TMEM131: variants seen among roughly 807,000 people sequenced by gnomAD.
TMEM131 encodes 2610524E03Rik.
TMEM131 carries 66 observed loss-of-function variants against 211.6 expected under a neutral mutation model. That is an observed-to-expected ratio of 0.31 (90% confidence interval 0.26 to 0.38). The LOEUF (loss-of-function observed/expected upper bound fraction) is 0.38, where lower values mean the gene tolerates loss of function less well. Ranked by LOEUF, TMEM131 falls within the 10% of genes least tolerant of loss-of-function variation. The pLI is 1.00. For synonymous variants in TMEM131, 844 were observed against 841.3 expected (o/e 1.00, Z -0.06); for missense variants, 2,036 against 2,299.3 (o/e 0.89, Z 2.34).
chr2:97,951,603 G>A (rs933693833), intron 1 of TMEM131, among the ~76,000 whole-genome samples: 2 of 152,120 alleles, frequency 1.3e-5, no homozygotes, highest in African/African-American at 4.8e-5. Flanking sequence ...GGCCAGAGAG[G>A]ACAGGGTTTT....
At chr2:97,948,110 A>G (rs982228913) in intron 1 of TMEM131, among the ~76,000 whole-genome samples, 1 of 152,182 alleles carries the variant, frequency 6.6e-6, no homozygotes, top group Non-Finnish European at 1.5e-5. Context: ...AATTTTAGTG[A>G]TCTTGAGTTT....
intron 8 of TMEM131, among the ~76,000 whole-genome samples, chr2:97,836,485 A>G (rs908088271): frequency 2.6e-5 from 4 of 152,176 alleles, no homozygotes; most frequent in African/African-American, 9.7e-5. Context: ...AAAACTCACA[A>G]ATGGCAAGAA....
In TMEM131 at chr2:97,779,402, T is replaced by TC. The variant is rs574586569; in HGVS notation, c.4145-3385dup. On this transcript the variant is annotated intron_variant, in intron 31 of 40. Transcript: ENST00000186436. Reference sequence around the variant, plus strand: ...GTCCCCACAGGGAGTGGCCTCTGCCTCCCGCTTGCCCCTGGGTGGGCTGAA... The same window carrying TC: ...GTCCCCACAGGGAGTGGCCTCTGCCTCCCCGCTTGCCCCTGGGTGGGCTGAA... Among the ~76,000 whole-genome samples the TC allele has an allele frequency of 1.8e-4, 28 of 152,320 alleles. 1 individual carries two copies. In the South Asian group the frequency reaches 5.8e-3, roughly 32 times the overall value.
intron 22 of TMEM131, among the ~76,000 whole-genome samples, chr2:97,803,997 G>A (rs1012714541): frequency 6.6e-6 from 1 of 152,164 alleles, no homozygotes; most frequent in East Asian, 1.9e-4. Context: ...GTAAACATTC[G>A]ACTTTCTTTT....
intron 1 of TMEM131, among the ~76,000 whole-genome samples, chr2:97,994,905 T>C (rs185820494): frequency 1.1e-4 from 16 of 152,282 alleles, no homozygotes; most frequent in Admixed American, 1.0e-3. Flanking sequence ...TATTTTAAAA[T>C]AAGAAATGTA....
At position 97,995,672 on chromosome 2, in the gene TMEM131, C is replaced by T. The variant is rs1168661619; in HGVS notation, c.-10G>A. ...CCGCCCGCTTCCCCATCCCTGCCGG[C>T]CGGGGGCCGCCGCGCTCGAGGTCCG... On this transcript the variant is annotated 5_prime_UTR_variant, in exon 1 of 41. Coordinates refer to ENST00000186436, the MANE Select transcript of TMEM131 (RefSeq NM_015348.2). The T allele has an allele frequency of 1.2e-5, 14 of 1,200,838 alleles. No homozygotes were observed. The highest frequency in any genetic ancestry group is 1.4e-5 in the Non-Finnish European group (14 of 967,692). 74.4% of individuals were successfully genotyped at this position (1,200,838 alleles called of 1,614,324 possible). A position where few individuals can be genotyped will look rare whatever the true frequency, so the allele number is the denominator to read the frequency against.
At chr2:97,936,810 A>C (rs948714624) in intron 1 of TMEM131, among the ~76,000 whole-genome samples, 3 of 152,194 alleles carry the variant, frequency 2.0e-5, no homozygotes, top group African/African-American at 7.2e-5. Context: ...AAAAGTATTT[A>C]ATAGAAACTG....
chr2:97,890,421 G>T (rs1406699806), intron 3 of TMEM131, among the ~76,000 whole-genome samples: 1 of 152,198 alleles, frequency 6.6e-6, no homozygotes, highest in Non-Finnish European at 1.5e-5. Context: ...CTGATGGATT[G>T]ATTTTGAGGG....
rs770035618 is a variant in TMEM131, at chr2:97,792,509, T to C, written c.4021A>G (p.Ser1341Gly). 1.2e-6 allele frequency: 2 copies of C among 1,613,704 alleles called. No homozygotes were observed. The highest frequency in any genetic ancestry group is 1.7e-6 in the Non-Finnish European group (2 of 1,179,780). The change falls in exon 31 of 41, where the codon AGT becomes GGT. Residue 1341 changes from serine to glycine, a missense_variant. Transcript: ENST00000186436. ...HPERASSARH[S>G]SEDSDITSLI... ...CTGGTGATGTCCGAGTCCTCGGAAC[T>C]GTGCCTCGCGCTGCTGGCACGTTCT...
chr2:97,991,394 A>C (rs1052456600), intron 1 of TMEM131, among the ~76,000 whole-genome samples: 1 of 152,242 alleles, frequency 6.6e-6, no homozygotes, highest in African/African-American at 2.4e-5. Context: ...TGGTGAAGGC[A>C]GTGGGAGAGT....
chr2:97,951,863 A>G (rs918254466), intron 1 of TMEM131, among the ~76,000 whole-genome samples: 1 of 152,102 alleles, frequency 6.6e-6, no homozygotes, highest in African/African-American at 2.4e-5. Context: ...AGATCTAAAG[A>G]AGTGTTCAAT....
intron 12 of TMEM131, among the ~76,000 whole-genome samples, 196 bp downstream of exon 12, chr2:97,818,417 T>C (rs1012659165): frequency 1.5e-5 from 2 of 134,552 alleles, no homozygotes; most frequent in Non-Finnish European, 3.1e-5. Context: ...AGTTGTGGTA[T>C]TTTCTCTCAT....
intron 33 of TMEM131, among the ~76,000 whole-genome samples, chr2:97,769,776 A>C (rs1053187486): frequency 2.0e-5 from 3 of 152,286 alleles, no homozygotes; most frequent in African/African-American, 7.2e-5. Flanking sequence ...AGTGCCTGAG[A>C]TCTGATTCCC....
rs915684947 is a variant in TMEM131, at chr2:97,987,458, G to A, written c.187+8018C>T. Reference sequence around the variant, plus strand: ...ACAGAGGCTGCAGTAAGCTGAGATCGCACCACTGTACTCCAGCCTGGCAAC... The same window carrying A: ...ACAGAGGCTGCAGTAAGCTGAGATCACACCACTGTACTCCAGCCTGGCAAC... On this transcript the variant is annotated intron_variant, in intron 1 of 40. Transcript: ENST00000186436. Among the ~76,000 whole-genome samples the A allele has an allele frequency of 3.9e-4, 59 of 151,956 alleles. 1 individual carries two copies. Among genetic ancestry groups the A allele is most frequent in the Admixed American group, 1.4e-3 (22 of 15,260 alleles).
At position 97,877,979 on chromosome 2, in the gene TMEM131, G is replaced by T. The variant is rs551982326; in HGVS notation, c.359+10073C>A. Reference sequence around the variant, plus strand: ...CCATCTGACAAAGGGCTAACATCCAGAATCTACAAGGAACTTAAACAAATT... The same window carrying T: ...CCATCTGACAAAGGGCTAACATCCATAATCTACAAGGAACTTAAACAAATT... On this transcript the variant is annotated intron_variant, in intron 4 of 40. Coordinates refer to ENST00000186436, the MANE Select transcript of TMEM131 (RefSeq NM_015348.2). 3.3e-5 allele frequency among the ~76,000 whole-genome samples: 5 copies of T among 152,262 alleles called. No individual in the cohort carries two copies. The East Asian group carries it at 9.6e-4, about 29-fold the overall frequency.
intron 31 of TMEM131, among the ~76,000 whole-genome samples, chr2:97,785,823 T>C (rs115648010): frequency 0.029 from 4,456 of 152,308 alleles, 81 homozygotes; most frequent in Middle Eastern, 0.065. Flanking sequence ...TAAGTTGGAC[T>C]ACTATTCAGC....
At chr2:97,943,637 C>T (rs779800442) in intron 1 of TMEM131, among the ~76,000 whole-genome samples, 1 of 152,106 alleles carries the variant, frequency 6.6e-6, no homozygotes. Flanking sequence ...TTTTGCAAAT[C>T]GACAAGTGGC....
chr2:97,761,327 G>T (rs1004307829), intron 36 of TMEM131: 1 of 171,436 alleles, frequency 5.8e-6, no homozygotes, highest in African/African-American at 2.4e-5. Context: ...AGGCCCAGAA[G>T]CGGGGTGGCT....
chr2:97,972,513 C>T (rs941476584), intron 1 of TMEM131, among the ~76,000 whole-genome samples: 1 of 151,646 alleles, frequency 6.6e-6, no homozygotes, highest in African/African-American at 2.4e-5. Context: ...GGCAGGCAGG[C>T]AGGCAGGCAG....
Sources: gnomAD v4.1 joint callset for allele counts (sites outside exome capture counted in the v4.1 genomes callset) on GRCh38, gnomAD v4.1.1 for gene constraint, MANE v1.5 for transcripts, NCBI Gene and HGNC (gene_info 2026-07-23, HGNC 2026-07-21) for gene names.